The following OR2V2 variants were observed in gnomAD, a reference collection of about 807,000 sequenced individuals.
OR2V2 encodes olfactory receptor 2V2.
For synonymous variants in OR2V2, 161 were observed against 151.3 expected (o/e 1.06, Z -0.47); for missense variants, 392 against 392.2 (o/e 1.00, Z 0.00).
intron 1 of OR2V2, among the ~76,000 whole-genome samples, chr5:181,148,419 G>A (rs1582194160): frequency 6.6e-6 from 1 of 152,312 alleles, no homozygotes; most frequent in East Asian, 1.9e-4. Context: ...GAATATTGCA[G>A]AGACAGTTTC....
intron 1 of OR2V2, among the ~76,000 whole-genome samples, chr5:181,153,393 G>C (rs1170335844): frequency 6.6e-6 from 1 of 152,086 alleles, no homozygotes; most frequent in Non-Finnish European, 1.5e-5. Context: ...AGGTGTTTAG[G>C]ACAAATTGTT....
In OR2V2 at chr5:181,147,640, G is replaced by A. The variant is rs1325584309; in HGVS notation, c.-380G>A. 2 of 229,616 alleles carry A rather than the reference G, an allele frequency of 8.7e-6. No homozygotes were observed. The highest frequency in any genetic ancestry group is 1.7e-5 in the Non-Finnish European group (2 of 120,168). The allele number at this position is 229,616 out of a possible 1,614,324, so 14.2% of individuals were successfully genotyped here. A position where few individuals can be genotyped will look rare whatever the true frequency, so the allele number is the denominator to read the frequency against. ...GGTTCTGGAACCTGGCCAGAGCCAG[G>A]GTGTCCTGGAGGCAGGTGGGAATCC... On this transcript the variant is annotated 5_prime_UTR_variant, in exon 1 of 2. Transcript: ENST00000641492.
chr5:181,157,347 A>G lies in OR2V2; in HGVS notation c.*1457A>G, dbSNP rs1197297821. ...ACTCAGCTTAATTCTCACAGGAAAC[A>G]TTCTGTGGTGAAAATATTATGCCCA... On this transcript the variant is annotated 3_prime_UTR_variant, in exon 2 of 2. Coordinates refer to ENST00000641492, the MANE Select transcript of OR2V2 (RefSeq NM_206880.2). The G allele has an allele frequency of 6.6e-6, 1 of 152,252 alleles. No homozygotes were observed. The highest frequency in any genetic ancestry group is 1.5e-5 in the Non-Finnish European group (1 of 68,054). The allele number at this position is 152,252 out of a possible 1,614,324, so 9.4% of individuals were successfully genotyped here.
intron 1 of OR2V2, among the ~76,000 whole-genome samples, chr5:181,153,485 G>A (rs527884257): frequency 2.0e-4 from 31 of 152,040 alleles, no homozygotes; most frequent in African/African-American, 3.9e-4. Flanking sequence ...TCAGGAGCTC[G>A]AGACCAGCTC....
At chr5:181,154,099 A>T (rs1426182333) in intron 1 of OR2V2, among the ~76,000 whole-genome samples, 1 of 152,198 alleles carries the variant, frequency 6.6e-6, no homozygotes, top group African/African-American at 2.4e-5. Flanking sequence ...ACAGGAGAAC[A>T]TCCTTTCCCT....
Position 181,155,573 on chromosome 5 carries a change from C to A in OR2V2, c.631C>A (p.Pro211Thr). Residue 211 changes from proline to threonine, a missense_variant, in exon 2 of 2, where the codon CCA becomes ACA. Coordinates refer to ENST00000641492, the MANE Select transcript of OR2V2 (RefSeq NM_206880.2). The stretch of plus-strand genomic sequence containing the variant: ...TTGCTGTGTCTTCATGCTTCTCTTC[C>A]CATTCTCCATCATCGTGGCCTCCTA... Reference protein sequence around the residue: ...FACCVFMLLFPFSIIVASYAH... With the variant: ...FACCVFMLLFTFSIIVASYAH... 3 of 1,614,196 alleles carry A rather than the reference C, an allele frequency of 1.9e-6. No homozygotes were observed. The highest frequency in any genetic ancestry group is 2.5e-6 in the Non-Finnish European group (3 of 1,180,028).
rs1763245214 is a variant in OR2V2, at chr5:181,155,265, T to C, written c.323T>C (p.Leu108Pro). 1 of 1,606,844 alleles carries C rather than the reference T, an allele frequency of 6.2e-7. No individual in the cohort carries two copies. Among genetic ancestry groups the C allele is most frequent in the East Asian group, 2.2e-5 (1 of 44,884 alleles). The change falls in exon 2 of 2, where the codon CTT becomes CCT. Residue 108 changes from leucine (L) to proline (P), a missense_variant. By Grantham distance (98) the Leu-to-Pro change is moderately conservative (BLOSUM62 -3). Coordinates refer to ENST00000641492, the MANE Select transcript of OR2V2 (RefSeq NM_206880.2). ...CGIQIGLFVC[L>P]VGSEGLLLGL... The stretch of plus-strand genomic sequence containing the variant: ...ATACAAATTGGCCTCTTTGTCTGTC[T>C]TGTGGGATCTGAGGGGCTCTTGCTG...
At chr5:181,148,468 C>T (rs1582194186) in intron 1 of OR2V2, among the ~76,000 whole-genome samples, 1 of 152,210 alleles carries the variant, frequency 6.6e-6, no homozygotes, top group Admixed American at 6.5e-5. Flanking sequence ...AAAGTAAAGC[C>T]ATTAGCTAAA....
chr5:181,154,372 A>G (rs1279873709), intron 1 of OR2V2, among the ~76,000 whole-genome samples: 4 of 152,078 alleles, frequency 2.6e-5, no homozygotes, highest in Non-Finnish European at 4.4e-5. Context: ...GGTGGATCAC[A>G]AGGTCAGGAG....
At chr5:181,150,801 C>A (rs536447837) in intron 1 of OR2V2, among the ~76,000 whole-genome samples, 5 of 152,198 alleles carry the variant, frequency 3.3e-5, no homozygotes, top group African/African-American at 1.2e-4. Flanking sequence ...CATAAGGAGA[C>A]CCCCATCGCC....
chr5:181,148,052 G>A (rs1010203494), intron 1 of OR2V2, 57 bp downstream of exon 1: 43 of 398,900 alleles, frequency 1.1e-4, no homozygotes, highest in Admixed American at 3.1e-4. Flanking sequence ...TCCTGCTCCC[G>A]TTGCTGGTTC....
Position 181,155,491 on chromosome 5 carries a change from A to G in OR2V2, c.549A>G (p.Leu183=). The change falls in exon 2 of 2, where the codon CTA becomes CTG. Residue 183 remains leucine, a synonymous_variant. Transcript: ENST00000641492. ...TGAACCATTTCTTCTGTGAGATGCT[A>G]TCCTTGTTGAAGCTGGCCTGTGTAG... ...RKVNHFFCEM[L]SLLKLACVDT... The G allele has an allele frequency of 7.4e-6, 12 of 1,614,108 alleles. No homozygotes were observed. The highest frequency in any genetic ancestry group is 8.5e-6 in the Non-Finnish European group (10 of 1,180,016).
At chr5:181,151,734 C>T (rs760285631) in intron 1 of OR2V2, among the ~76,000 whole-genome samples, 42 of 152,014 alleles carry the variant, frequency 2.8e-4, no homozygotes, top group African/African-American at 9.9e-4. Flanking sequence ...CTGGGAGGGG[C>T]GTCTGGGATC....
intron 1 of OR2V2, 31 bp downstream of exon 1, chr5:181,148,026 C>T: frequency 2.5e-6 from 1 of 398,990 alleles, no homozygotes; most frequent in Non-Finnish European, 4.4e-6. Context: ...GTCGTCCCCT[C>T]TCTCTTCCCT....
Position 181,158,307 on chromosome 5 carries a change from A to G in OR2V2, c.*2417A>G, listed in dbSNP as rs1763291801. On this transcript the variant is annotated 3_prime_UTR_variant, in exon 2 of 2. Coordinates refer to ENST00000641492, the MANE Select transcript of OR2V2 (RefSeq NM_206880.2). ...AGATGTGTAATTGTTAGAGATTTGT[A>G]AGAAAATAATATAGAGAGGAAATAC... 6.8e-6 allele frequency: 1 copy of G among 147,446 alleles called. No individual in the cohort carries two copies. Among genetic ancestry groups the G allele is most frequent in the Non-Finnish European group, 1.5e-5 (1 of 67,324 alleles). The allele number at this position is 147,446 out of a possible 1,614,324, so 9.1% of individuals were successfully genotyped here. A position where few individuals can be genotyped will look rare whatever the true frequency, so the allele number is the denominator to read the frequency against.
chr5:181,150,534 T>A (rs6872728), intron 1 of OR2V2, among the ~76,000 whole-genome samples: 6,798 of 152,278 alleles, frequency 0.045, 327 homozygotes, highest in African/African-American at 0.12. Flanking sequence ...ACATGGAAAC[T>A]GCAGCTGCAT....
chr5:181,151,803 G>T (rs1000177698), intron 1 of OR2V2, among the ~76,000 whole-genome samples: 1 of 151,844 alleles, frequency 6.6e-6, no homozygotes, highest in African/African-American at 2.4e-5. Flanking sequence ...GATGCAAGGC[G>T]TTCAAAACCC....
At chr5:181,154,449 G>C (rs182911272) in intron 1 of OR2V2, among the ~76,000 whole-genome samples, 201 of 152,226 alleles carry the variant, frequency 1.3e-3, no homozygotes, top group African/African-American at 4.6e-3. Context: ...AATTAGCTGG[G>C]CGTGGTGGCG....
intron 1 of OR2V2, among the ~76,000 whole-genome samples, chr5:181,150,840 G>A (rs938770009): frequency 5.3e-5 from 8 of 152,088 alleles, no homozygotes; most frequent in East Asian, 1.9e-4. Flanking sequence ...AGCCGAGCAC[G>A]ATGGTGCGCA....
Sources: allele counts gnomAD v4.1 joint callset (sites outside exome capture counted in the v4.1 genomes callset), GRCh38; gene constraint gnomAD v4.1.1; transcripts MANE v1.5; gene names NCBI Gene and HGNC (gene_info 2026-07-23, HGNC 2026-07-21).